ADGRG7: variants seen among roughly 807,000 people sequenced by gnomAD.
The protein encoded by ADGRG7 is adhesion G protein-coupled receptor G7.
In ADGRG7, 82 loss-of-function variants were observed where a neutral mutation model predicts 88.6. That is an observed-to-expected ratio of 0.93 (90% confidence interval 0.77 to 1.11). The LOEUF (loss-of-function observed/expected upper bound fraction) is 1.11, where lower values mean the gene tolerates loss of function less well. ADGRG7 is among the 50% of genes most tolerant of loss of function. The probability of loss-of-function intolerance (pLI) is 0.00; values close to 1 mark genes in which losing one functional copy is unlikely to be tolerated. For missense variants in ADGRG7, 945 were observed against 953.4 expected (o/e 0.99, Z 0.12); for synonymous variants, 381 against 345.2 (o/e 1.10, Z -1.15).
chr3:100,639,307 G>T (rs964693521), intron 6 of ADGRG7, among the ~76,000 whole-genome samples: 6 of 151,874 alleles, frequency 4.0e-5, no homozygotes, highest in Admixed American at 2.0e-4. Flanking sequence ...TTATTTACAC[G>T]ACCCATTATT....
At chr3:100,659,538 T>A (rs2094942343) in intron 13 of ADGRG7, 150 bp from the exon 14 acceptor site, 1 of 584,370 alleles carries the variant, frequency 1.7e-6, no homozygotes, top group African/African-American at 1.9e-5. Flanking sequence ...TTCTTGAAAG[T>A]CATAAGTCAT....
Position 100,665,100 on chromosome 3 carries a change from C to T in ADGRG7, c.1980-3849C>T, listed in dbSNP as rs1335916213. ...CATAACCATTCTTCAGTCAGTTCTTCCGTATTTCTTATTTCAAATATCTTG... is the reference window on the plus strand; with the variant it reads ...CATAACCATTCTTCAGTCAGTTCTTTCGTATTTCTTATTTCAAATATCTTG... On this transcript the variant is annotated intron_variant, in intron 14 of 15. Transcript: ENST00000273352. 1.2e-5 allele frequency: 6 copies of T among 514,298 alleles called. No homozygotes were observed. The East Asian group carries it at 1.7e-4, about 14-fold the overall frequency. 31.9% of individuals were successfully genotyped at this position (514,298 alleles called of 1,614,324 possible). A position where few individuals can be genotyped will look rare whatever the true frequency, so the allele number is the denominator to read the frequency against.
At chr3:100,635,924 C>A in intron 5 of ADGRG7, 98 bp downstream of exon 5, 1 of 879,062 alleles carries the variant, frequency 1.1e-6, no homozygotes, top group Non-Finnish European at 1.7e-6. Flanking sequence ...CCTTATTCCA[C>A]AATATGGTTT....
At chr3:100,617,505 T>C (rs1378627239) in intron 1 of ADGRG7, among the ~76,000 whole-genome samples, 1 of 152,090 alleles carries the variant, frequency 6.6e-6, no homozygotes, top group Non-Finnish European at 1.5e-5. Flanking sequence ...TTGCTGAGTA[T>C]GATGGTTTCC....
chr3:100,672,085 C>G (rs2094959448), intron 15 of ADGRG7, among the ~76,000 whole-genome samples: 1 of 152,128 alleles, frequency 6.6e-6, no homozygotes, highest in African/African-American at 2.4e-5. Context: ...TTTTCTAATT[C>G]TGTGAAGAAT....
chr3:100,635,903 T>C (rs1707532936), intron 5 of ADGRG7, 77 bp downstream of exon 5: 2 of 1,035,344 alleles, frequency 1.9e-6, no homozygotes, highest in South Asian at 3.2e-5. Context: ...AGAGATGTCC[T>C]GAATACCACT....
Position 100,643,592 on chromosome 3 carries a change from A to C in ADGRG7, c.905A>C (p.Asp302Ala). The change falls in exon 8 of 16, where the codon GAT becomes GCT. Residue 302 changes from aspartate (D) to alanine (A), a missense_variant. Transcript: ENST00000273352. ...ACAAATGTGGATGGCCTTAACCCAG[A>C]TGCACAGACTGAGCTTCAGGTCTTG... The part of the protein sequence containing the change: ...IHTNVDGLNP[D>A]AQTELQVLLN... The C allele has an allele frequency of 6.2e-7, 1 of 1,613,990 alleles. No homozygotes were observed. Among genetic ancestry groups the C allele is most frequent in the Non-Finnish European group, 8.5e-7 (1 of 1,179,908 alleles).
intron 15 of ADGRG7, among the ~76,000 whole-genome samples, chr3:100,684,987 T>G (rs1304436582): frequency 6.6e-6 from 1 of 152,164 alleles, no homozygotes; most frequent in East Asian, 1.9e-4. Flanking sequence ...TAAGAAATAT[T>G]TATAATACTA....
At chr3:100,681,165 C>T in intron 15 of ADGRG7, among the ~76,000 whole-genome samples, 1 of 150,954 alleles carries the variant, frequency 6.6e-6, no homozygotes, top group Non-Finnish European at 1.5e-5. Context: ...TGAAGATAAA[C>T]CAAAATGGTG....
chr3:100,681,207 GTTTT>G (rs1042420744), intron 15 of ADGRG7, among the ~76,000 whole-genome samples: 2 of 146,170 alleles, frequency 1.4e-5, no homozygotes, highest in Admixed American at 1.4e-4. Context: ...CTTTGGAGAG[GTTTT>G]TTTTTTAACC....
intron 15 of ADGRG7, among the ~76,000 whole-genome samples, chr3:100,694,005 C>T (rs1378968894): frequency 6.6e-6 from 1 of 152,178 alleles, no homozygotes; most frequent in Non-Finnish European, 1.5e-5. Flanking sequence ...GAATTCAATT[C>T]CAGACTCCAC....
At chr3:100,639,167 A>G (rs938300259) in intron 6 of ADGRG7, among the ~76,000 whole-genome samples, 4 of 152,136 alleles carry the variant, frequency 2.6e-5, no homozygotes, top group African/African-American at 9.7e-5. Flanking sequence ...ACACATCTAC[A>G]TCATAATTTT....
At chr3:100,672,320 T>A (rs576573849) in intron 15 of ADGRG7, among the ~76,000 whole-genome samples, 3 of 152,346 alleles carry the variant, frequency 2.0e-5, no homozygotes, top group Admixed American at 6.5e-5. Context: ...TTGTACCAAT[T>A]GTGAATGGGA....
chr3:100,660,455 A>G (rs749221491), intron 14 of ADGRG7, among the ~76,000 whole-genome samples: 57 of 151,970 alleles, frequency 3.8e-4, no homozygotes, highest in Non-Finnish European at 1.3e-4. Context: ...CAGGCACACA[A>G]TACCATGCCC....
At chr3:100,627,596 T>C (rs1454254614) in intron 1 of ADGRG7, among the ~76,000 whole-genome samples, 2 of 152,208 alleles carry the variant, frequency 1.3e-5, no homozygotes, top group Non-Finnish European at 2.9e-5. Context: ...TTTGGGAAGT[T>C]TCTTCATTTC....
At chr3:100,626,932 T>C (rs1707387518) in intron 1 of ADGRG7, among the ~76,000 whole-genome samples, 1 of 152,242 alleles carries the variant, frequency 6.6e-6, no homozygotes, top group African/African-American at 2.4e-5. Context: ...TATGTGAAAA[T>C]GTCTTTATTT....
intron 6 of ADGRG7, 88 bp downstream of exon 6, chr3:100,637,490 C>A: frequency 1.1e-6 from 1 of 875,090 alleles, no homozygotes; most frequent in Non-Finnish European, 1.9e-6. Context: ...ATCTTTATTT[C>A]TCTCATGGAT....
intron 15 of ADGRG7, among the ~76,000 whole-genome samples, chr3:100,675,513 T>C (rs1359290080): frequency 1.3e-5 from 2 of 152,164 alleles, no homozygotes; most frequent in African/African-American, 4.8e-5. Flanking sequence ...TTGTTGAGGA[T>C]TTTTGCATCA....
intron 15 of ADGRG7, among the ~76,000 whole-genome samples, chr3:100,682,993 C>A (rs887966245): frequency 6.6e-6 from 1 of 152,138 alleles, no homozygotes; most frequent in Admixed American, 6.5e-5. Context: ...GAAGCCCCAC[C>A]TTAAAGCCAG....
Sources: gnomAD v4.1 joint callset for allele counts (sites outside exome capture counted in the v4.1 genomes callset) on GRCh38, gnomAD v4.1.1 for gene constraint, MANE v1.5 for transcripts, NCBI Gene and HGNC (gene_info 2026-07-23, HGNC 2026-07-21) for gene names.